The following NINL variants were observed in gnomAD, a reference collection of about 807,000 sequenced individuals.
NINL encodes the protein ninein like, also known as ninein-like protein.
Under a neutral mutation model 160.3 loss-of-function variants are expected in NINL, and 153 were observed. The ratio of observed to expected loss-of-function variants is 0.95; its 90% confidence interval spans 0.84 to 1.09. The LOEUF is 1.09. NINL is among the 50% of genes least tolerant of loss of function. The pLI, the probability that NINL is intolerant of heterozygous loss-of-function variation, is 0.00. For synonymous variants in NINL, 800 were observed against 734.8 expected, an observed-to-expected ratio of 1.09 and a Z score of -1.43; for missense variants, 1,829 against 1,764.0, an observed-to-expected ratio of 1.04 and a Z score of -0.66.
chr20:25,471,207 G>T (rs555900103), intron 17 of NINL, among the ~76,000 whole-genome samples: 3 of 152,134 alleles, frequency 2.0e-5, no homozygotes, highest in African/African-American at 7.2e-5. Flanking sequence ...TGCCCAGGCT[G>T]GTCTCGAATT....
In NINL at chr20:25,526,904, G is replaced by A. The variant is rs537343424; in HGVS notation, c.-11-306C>T. Reference sequence around the variant, plus strand: ...ATTAGGCCAGGTATGGGTGACTCACGCTTGTAATCCCAACACTTTGGGAGA... The same window carrying A: ...ATTAGGCCAGGTATGGGTGACTCACACTTGTAATCCCAACACTTTGGGAGA... On this transcript the variant is annotated intron_variant, in intron 1 of 23. Transcript: ENST00000278886. 7.2e-5 allele frequency among the ~76,000 whole-genome samples: 11 copies of A among 152,242 alleles called. No homozygotes were observed. In the South Asian group the frequency reaches 1.9e-3, roughly 26 times the overall value.
intron 11 of NINL, 112 bp downstream of exon 11, chr20:25,491,238 TA>T: frequency 7.6e-7 from 1 of 1,323,298 alleles, no homozygotes. Context: ...CCCTGAAACA[TA>T]AGCTTGAGGG....
intron 5 of NINL, among the ~76,000 whole-genome samples, chr20:25,509,479 C>A (rs569066969): frequency 1.3e-5 from 2 of 152,354 alleles, no homozygotes; most frequent in East Asian, 3.9e-4. Context: ...ATTGTAAGGG[C>A]CTGGTGTGAA....
intron 1 of NINL, among the ~76,000 whole-genome samples, chr20:25,556,447 A>G (rs964518002): frequency 6.6e-6 from 1 of 151,950 alleles, no homozygotes; most frequent in Non-Finnish European, 1.5e-5. Flanking sequence ...AACATAATGA[A>G]ACCCTGTCTC....
chr20:25,523,856 A>G (rs6138593), intron 2 of NINL, among the ~76,000 whole-genome samples: 86,552 of 151,528 alleles, frequency 0.57, 26,152 homozygotes, highest in East Asian at 0.98. Flanking sequence ...GGTCAGGCTG[A>G]TCTCCACCTC....
intron 1 of NINL, among the ~76,000 whole-genome samples, chr20:25,574,689 C>T (rs116715477): frequency 0.017 from 2,524 of 152,180 alleles, 72 homozygotes; most frequent in African/African-American, 0.058. Context: ...ACAGAGGAAG[C>T]ACAGATTGGC....
At chr20:25,559,754 C>T (rs1217920878) in intron 1 of NINL, among the ~76,000 whole-genome samples, 1 of 151,544 alleles carries the variant, frequency 6.6e-6, no homozygotes, top group Non-Finnish European at 1.5e-5. Flanking sequence ...GCACACACCA[C>T]CACACCCGAC....
chr20:25,499,944 G>GAA, intron 8 of NINL, among the ~76,000 whole-genome samples: 1 of 42,940 alleles, frequency 2.3e-5, no homozygotes, highest in South Asian at 7.6e-4. Flanking sequence ...CACCAATTTC[G>GAA]CAAAAAAAAA....
intron 1 of NINL, among the ~76,000 whole-genome samples, chr20:25,569,759 C>G (rs1337342129): frequency 4.6e-5 from 7 of 152,192 alleles, no homozygotes; most frequent in Non-Finnish European, 7.4e-5. Context: ...ACAGGAAGAG[C>G]AGTCCTTCCT....
chr20:25,556,851 A>T (rs898280664), intron 1 of NINL, among the ~76,000 whole-genome samples: 4 of 152,144 alleles, frequency 2.6e-5, no homozygotes, highest in African/African-American at 9.7e-5. Flanking sequence ...TCTTTCCCCA[A>T]ATAAAAATGA....
intron 1 of NINL, among the ~76,000 whole-genome samples, chr20:25,540,213 T>C (rs2064639276): frequency 6.6e-6 from 1 of 152,222 alleles, no homozygotes; most frequent in Admixed American, 6.5e-5. Context: ...TAGTTTCATT[T>C]TTGGAAACTG....
rs1001394147 is a variant in NINL at position 25,470,017 on chromosome 20, A to G, written c.3327T>C (p.Ala1109=). 7 of 1,614,074 alleles carry G rather than the reference A, an allele frequency of 4.3e-6. No homozygotes were observed. The highest frequency in any genetic ancestry group is 5.1e-6 in the Non-Finnish European group (6 of 1,180,020). Residue 1109 remains alanine (A), a synonymous_variant, in exon 18 of 24, where the codon GCT becomes GCC. Coordinates refer to ENST00000278886, the MANE Select transcript of NINL (RefSeq NM_025176.6). ...DLGRVRQELE[A]AESTHDAQRK... is the part of the protein sequence containing the mutation. ...TCTGTGCATCGTGAGTACTTTCTGC[A>G]GCTTCAAGCTCTTGCCGAACCCTTC...
chr20:25,554,624 C>CAA (rs1239768383), intron 1 of NINL, among the ~76,000 whole-genome samples: 1 of 49,686 alleles, frequency 2.0e-5, no homozygotes, highest in African/African-American at 5.4e-5. Flanking sequence ...TGTTCTTTAC[C>CAA]AAAAAAAAAA....
At chr20:25,496,851 G>C (rs1399968984) in intron 9 of NINL, 48 bp from the exon 10 acceptor site, 1 of 1,597,516 alleles carries the variant, frequency 6.3e-7, no homozygotes, top group Non-Finnish European at 8.5e-7. Context: ...CTGCTGGCCT[G>C]ACCCGCCATG....
rs933940838 is a variant in NINL at position 25,493,109 on chromosome 20, C to T, written c.1311-1584G>A. Among the ~76,000 whole-genome samples the T allele has an allele frequency of 2.6e-5, 4 of 152,152 alleles. No homozygotes were observed. In the East Asian group the frequency reaches 7.7e-4, roughly 29 times the overall value. ...CTCTAACCCTGGGAAAGACAATTCA[C>T]ACAAGTCTTTCCAAATGGCTGGGAG... On this transcript the variant is annotated intron_variant, in intron 10 of 23. Coordinates refer to ENST00000278886, the MANE Select transcript of NINL (RefSeq NM_025176.6).
intron 1 of NINL, 121 bp from the exon 2 acceptor site, chr20:25,526,719 G>A: frequency 9.7e-7 from 1 of 1,035,834 alleles, no homozygotes; most frequent in South Asian, 1.6e-5. Context: ...TGGCATGTGG[G>A]GAAGGCACCA....
chr20:25,514,512 C>A (rs903095235), intron 3 of NINL, among the ~76,000 whole-genome samples: 2 of 152,176 alleles, frequency 1.3e-5, no homozygotes, highest in Non-Finnish European at 2.9e-5. Flanking sequence ...AAGAAAAATC[C>A]ATTTTCAGGG....
chr20:25,553,044 C>T (rs1433667742), intron 1 of NINL, among the ~76,000 whole-genome samples: 2 of 151,284 alleles, frequency 1.3e-5, no homozygotes, highest in Non-Finnish European at 2.9e-5. Context: ...CGGCCTTGCT[C>T]ACTGTGGCCC....
At chr20:25,524,538 A>C (rs2064321043) in intron 2 of NINL, among the ~76,000 whole-genome samples, 1 of 152,214 alleles carries the variant, frequency 6.6e-6, no homozygotes, top group East Asian at 1.9e-4. Flanking sequence ...TCCCCTCCCC[A>C]CACACATATG....
Sources: allele counts gnomAD v4.1 joint callset (sites outside exome capture counted in the v4.1 genomes callset), GRCh38; gene constraint gnomAD v4.1.1; transcripts MANE v1.5; gene names NCBI Gene and HGNC (gene_info 2026-07-23, HGNC 2026-07-21).